ECPAS: variants seen among roughly 807,000 people sequenced by gnomAD.
ECPAS encodes the protein Ecm29 proteasome adaptor and scaffold.
ECPAS carries 70 observed loss-of-function variants against 255.1 expected under a neutral mutation model. That is an observed-to-expected ratio of 0.27 (90% CI 0.23 to 0.33). The LOEUF is 0.33. Among genes scored for constraint, ECPAS ranks in the 10% least tolerant of loss-of-function variants. ECPAS has a pLI of 1.00. For synonymous variants in ECPAS, 784 were observed against 775.0 expected, an observed-to-expected ratio of 1.01 and a Z score of -0.19; for missense variants, 1,817 against 2,206.4, an observed-to-expected ratio of 0.82 and a Z score of 3.54.
chr9:111,468,689 C>CGTGTGTGTGTGTGTGTGTGT (rs141517725), intron 2 of ECPAS, among the ~76,000 whole-genome samples: 126 of 150,020 alleles, frequency 8.4e-4, no homozygotes, highest in African/African-American at 2.9e-3. Context: ...CAAGCTCAAA[C>CGTGTGTGTGTGTGTGTGTGT]GTGTGTGTGT....
chr9:111,410,121 T>C lies in ECPAS; in HGVS notation c.2470A>G (p.Ser824Gly), dbSNP rs759607021. ...IGRNGPLPIP[S>G]EGSGFTKLHL... ...AATTTGGTAAAGCCAGATCCCTCAC[T>C]GGGGATTGGAAGTGGACCATTTCTG... The change falls in exon 23 of 50, where the codon AGT becomes GGT. Residue 824 changes from serine to glycine, a missense_variant. Physicochemically the swap from Ser to Gly is moderately conservative, Grantham distance 56. Coordinates refer to ENST00000684092, the MANE Select transcript of ECPAS (RefSeq NM_001364929.1). 1 of 1,609,874 alleles carries C rather than the reference T, an allele frequency of 6.2e-7. No homozygotes were observed. The highest frequency in any genetic ancestry group is 8.5e-7 in the Non-Finnish European group (1 of 1,178,150).
Position 111,484,166 on chromosome 9 carries a change from G to GGTGA in ECPAS, c.-137_-134dup. The GGTGA allele has an allele frequency of 1.4e-6, 2 of 1,479,620 alleles. No homozygotes were observed. Among genetic ancestry groups the GGTGA allele is most frequent in the Non-Finnish European group, 1.8e-6 (2 of 1,117,824 alleles). The allele number at this position is 1,479,620 out of a possible 1,614,324, so 91.7% of individuals were successfully genotyped here. ...GCGGACGCTGCGCTCGGCGCCGCGA[G>GGTGA]GTGAGGGCTGTAGAGCGAGGCGTTC... On this transcript the variant is annotated 5_prime_UTR_variant, in exon 1 of 50. Coordinates refer to ENST00000684092, the MANE Select transcript of ECPAS (RefSeq NM_001364929.1).
intron 6 of ECPAS, among the ~76,000 whole-genome samples, chr9:111,439,038 T>C (rs1174389658): frequency 6.6e-6 from 1 of 152,200 alleles, no homozygotes; most frequent in Non-Finnish European, 1.5e-5. Flanking sequence ...CTGGGCTCCA[T>C]GCCAGAGACC....
chr9:111,362,659 T>A (rs1439732902), intron 49 of ECPAS, among the ~76,000 whole-genome samples: 3 of 152,156 alleles, frequency 2.0e-5, no homozygotes, highest in Non-Finnish European at 4.4e-5. Flanking sequence ...CACATTGAAA[T>A]TTTTAGAAAA....
rs559861790 is a variant in ECPAS, at chr9:111,474,406, T to C, written c.-82-1406A>G. 3.9e-5 allele frequency among the ~76,000 whole-genome samples: 6 copies of C among 152,306 alleles called. No individual in the cohort carries two copies. In the South Asian group the frequency reaches 1.2e-3, roughly 32 times the overall value. On this transcript the variant is annotated intron_variant, in intron 1 of 49. Coordinates refer to ENST00000684092, the MANE Select transcript of ECPAS (RefSeq NM_001364929.1). ...TCTCCCTATTTTAGGGATTTTACAT[T>C]ATATTAACTCCTTGCCAAATCCACT... is the stretch of plus-strand genomic sequence containing the variant.
rs1202129871 is a variant in ECPAS, at chr9:111,472,955, C to T, written c.-37G>A. The T allele has an allele frequency of 2.1e-5, 26 of 1,236,222 alleles. No homozygotes were observed. The highest frequency in any genetic ancestry group is 2.4e-5 in the Non-Finnish European group (23 of 963,620). The allele number at this position is 1,236,222 out of a possible 1,614,324, so 76.6% of individuals were successfully genotyped here. ...TCTTGACAAAAATCCTCGGGATCAC[C>T]AATGGTACGTTCATCCACTCGTACA... On this transcript the variant is annotated 5_prime_UTR_variant, in exon 2 of 50. Coordinates refer to ENST00000684092, the MANE Select transcript of ECPAS (RefSeq NM_001364929.1).
At chr9:111,474,967 A>G (rs745907906) in intron 1 of ECPAS, among the ~76,000 whole-genome samples, 1 of 152,008 alleles carries the variant, frequency 6.6e-6, no homozygotes, top group Non-Finnish European at 1.5e-5. Context: ...ATCATAACAG[A>G]CTTACTCAGC....
chr9:111,446,233 G>A (rs1302720490), intron 3 of ECPAS, among the ~76,000 whole-genome samples: 1 of 152,200 alleles, frequency 6.6e-6, no homozygotes, highest in Non-Finnish European at 1.5e-5. Context: ...AATAGGAATT[G>A]ACAAGTCAAC....
intron 41 of ECPAS, 36 bp downstream of exon 41, chr9:111,373,134 A>T: frequency 6.5e-7 from 1 of 1,548,952 alleles, no homozygotes. Flanking sequence ...TTAACATCTA[A>T]ATTTAAAATG....
At chr9:111,405,855 G>C (rs1001117236) in intron 24 of ECPAS, among the ~76,000 whole-genome samples, 2 of 149,666 alleles carry the variant, frequency 1.3e-5, no homozygotes, top group Admixed American at 1.3e-4. Flanking sequence ...TCTCACCCTA[G>C]TTAGAACAGC....
At position 111,416,342 on chromosome 9, in the gene ECPAS, C is replaced by T. The variant is rs765576163; in HGVS notation, c.1694G>A (p.Arg565Gln). 3 of 1,613,152 alleles carry T rather than the reference C, an allele frequency of 1.9e-6. No homozygotes were observed. The highest frequency in any genetic ancestry group is 2.5e-6 in the Non-Finnish European group (3 of 1,179,304). Residue 565 changes from arginine to glutamine, a missense_variant, in exon 18 of 50, where the codon CGA becomes CAA. This residue lies in a region of ECPAS where 573 missense variants were observed against 716.2 expected (regional missense o/e 0.80). Transcript: ENST00000684092. ...VYYIQEKASH[R>Q]MKTPVKYMTG... ...CATGTACTTGACTGGAGTTTTCATT[C>T]GATGAGAAGCCTAAGTTTAAAAAGT...
intron 11 of ECPAS, 52 bp downstream of exon 11, chr9:111,425,691 C>CA: frequency 2.7e-6 from 3 of 1,122,024 alleles, no homozygotes; most frequent in South Asian, 2.8e-5. Context: ...TTGAAGCACT[C>CA]AATCATTCCA....
intron 1 of ECPAS, among the ~76,000 whole-genome samples, chr9:111,481,333 C>T (rs373092078): frequency 1.4e-4 from 21 of 151,974 alleles, no homozygotes; most frequent in African/African-American, 4.8e-4. Context: ...AGTGAAACCC[C>T]GTCTCTACTA....
At chr9:111,419,239 T>C (rs1212826013) in intron 16 of ECPAS, among the ~76,000 whole-genome samples, 1 of 152,064 alleles carries the variant, frequency 6.6e-6, no homozygotes, top group Non-Finnish European at 1.5e-5. Context: ...AAGCTTTTCA[T>C]CTCCCCAAAT....
chr9:111,420,846 C>T (rs1262905708), intron 15 of ECPAS, among the ~76,000 whole-genome samples: 2 of 152,164 alleles, frequency 1.3e-5, no homozygotes. Context: ...CCTTGAACTA[C>T]ATTAAAGAGT....
chr9:111,414,783 A>G (rs2098200573), intron 18 of ECPAS, 132 bp from the exon 19 acceptor site: 2 of 764,602 alleles, frequency 2.6e-6, no homozygotes, highest in Non-Finnish European at 3.9e-6. Context: ...ATCCTCATGG[A>G]AGGCAGAAAA....
chr9:111,433,696 ATACACAGCCTCCCTAGTGAGGT>A (rs1202619226), intron 7 of ECPAS, among the ~76,000 whole-genome samples: 1 of 152,190 alleles, frequency 6.6e-6, no homozygotes, highest in African/African-American at 2.4e-5. Flanking sequence ...AATTATTATG[ATACACAGCCTCCCTAGTGAGGT>A]TACACAGCCT....
chr9:111,428,796 A>G (rs1336374561), intron 9 of ECPAS, among the ~76,000 whole-genome samples: 1 of 152,238 alleles, frequency 6.6e-6, no homozygotes, highest in Non-Finnish European at 1.5e-5. Context: ...AACCATATCA[A>G]TGAACTTTTG....
intron 24 of ECPAS, 43 bp downstream of exon 24, chr9:111,408,527 GC>G: frequency 8.5e-7 from 1 of 1,170,980 alleles, no homozygotes; most frequent in Non-Finnish European, 1.2e-6. Context: ...AAAGACCAAT[GC>G]CTTTTCTCTG....
Sources: gnomAD v4.1 joint callset for allele counts (sites outside exome capture counted in the v4.1 genomes callset) on GRCh38, gnomAD v4.1.1 for gene constraint, gnomAD v4.1.1 regional missense constraint, MANE v1.5 for transcripts, NCBI Gene and HGNC (gene_info 2026-07-23, HGNC 2026-07-21) for gene names.